MS4A13: variants seen among roughly 807,000 people sequenced by gnomAD.
The protein encoded by MS4A13 is membrane-spanning 4-domains subfamily A member 13.
A neutral mutation model predicts 18.4 loss-of-function variants in MS4A13; 21 were observed. The ratio of observed to expected loss-of-function variants is 1.14; its 90% CI spans 0.81 to 1.64. The LOEUF (loss-of-function observed/expected upper bound fraction) is 1.64. Among genes scored for constraint, MS4A13 ranks in the 40% most tolerant of loss-of-function variants. The probability of loss-of-function intolerance (pLI) is 0.00; values close to 1 mark genes in which losing one functional copy is unlikely to be tolerated. For missense variants in MS4A13, 173 were observed against 176.8 expected (o/e 0.98, Z 0.12); for synonymous variants, 62 against 57.2 (o/e 1.08, Z -0.38).
At chr11:60,522,000 G>T (rs12286993) in intron 3 of MS4A13, among the ~76,000 whole-genome samples, 24,964 of 151,982 alleles carry the variant, frequency 0.16, 2,304 homozygotes, top group East Asian at 0.27. Context: ...GAGAGGGCTT[G>T]TGCAGGGAAA....
chr11:60,521,986 AAG>A lies in MS4A13; in HGVS notation c.130-1904_130-1903del, dbSNP rs984470491. ...CATCTTACATGAATGGCAGCAGGCA[AAG>A]AGAGAGGGCTTGTGCAGGGAAACTC... On this transcript the variant is annotated intron_variant, in intron 3 of 6. Transcript: ENST00000378186. 5.2e-4 allele frequency among the ~76,000 whole-genome samples: 79 copies of A among 152,274 alleles called. 1 individual carries two copies. Among genetic ancestry groups the A allele is most frequent in the Middle Eastern group, 3.4e-3 (1 of 294 alleles).
chr11:60,526,502 A>T (rs1187659030), intron 5 of MS4A13, among the ~76,000 whole-genome samples: 1 of 152,168 alleles, frequency 6.6e-6, no homozygotes, highest in Non-Finnish European at 1.5e-5. Flanking sequence ...TATTTATCTG[A>T]TCTGAACTCA....
chr11:60,531,954 C>A (rs1243044523), intron 6 of MS4A13, among the ~76,000 whole-genome samples: 2 of 152,192 alleles, frequency 1.3e-5, no homozygotes, highest in Non-Finnish European at 1.5e-5. Context: ...TTGCTAACCA[C>A]CACTCCTGGG....
chr11:60,539,978 A>G (rs1020657551), intron 6 of MS4A13, among the ~76,000 whole-genome samples: 2 of 152,270 alleles, frequency 1.3e-5, no homozygotes, highest in Admixed American at 6.5e-5. Context: ...ACATCAGATG[A>G]AACTCAAATG....
intron 5 of MS4A13, 78 bp downstream of exon 5, chr11:60,525,404 A>G (rs1166871875): frequency 2.0e-6 from 2 of 999,188 alleles, no homozygotes; most frequent in African/African-American, 1.7e-5. Context: ...AGGAGGTAAG[A>G]TGAGGCTTTT....
chr11:60,527,581 A>G (rs2086728467), intron 5 of MS4A13, among the ~76,000 whole-genome samples: 1 of 152,114 alleles, frequency 6.6e-6, no homozygotes, highest in Non-Finnish European at 1.5e-5. Flanking sequence ...CACGCCTGTA[A>G]TCCCAGCACT....
chr11:60,517,946 C>A, intron 2 of MS4A13, 126 bp from the exon 3 acceptor site: 2 of 664,710 alleles, frequency 3.0e-6, no homozygotes, highest in East Asian at 3.1e-5. Flanking sequence ...GGAAATACAT[C>A]ATTAAGTGCA....
chr11:60,527,394 CTCTCTCTCTCTCTCTCTGTG>C (rs2086723692), intron 5 of MS4A13, among the ~76,000 whole-genome samples: 5 of 115,270 alleles, frequency 4.3e-5, no homozygotes, highest in African/African-American at 1.7e-4. Context: ...CTCTCTCTCT[CTCTCTCTCTCTCTCTCTGTG>C]TGTGTGTGTG....
At position 60,515,586 on chromosome 11, in the gene MS4A13, C is replaced by A. The variant is rs184054267; in HGVS notation, c.-150C>A. ...GAGCGCCCCCCGAAACTCCTTGGAA[C>A]CTTGAACAAGTAAAATGCAGGGTAG... On this transcript the variant is annotated 5_prime_UTR_variant, in exon 1 of 7. Transcript: ENST00000378186. The A allele has an allele frequency of 7.2e-5, 11 of 152,378 alleles. No homozygotes were observed. The East Asian group carries it at 1.9e-3, about 27-fold the overall frequency. 9.4% of individuals were successfully genotyped at this position (152,378 alleles called of 1,614,324 possible).
chr11:60,540,432 A>T (rs1207079567), intron 6 of MS4A13, among the ~76,000 whole-genome samples: 2 of 152,222 alleles, frequency 1.3e-5, no homozygotes, highest in Non-Finnish European at 2.9e-5. Flanking sequence ...TAATATATAT[A>T]GATAGAATAG....
At chr11:60,530,360 A>C (rs1337191845) in intron 6 of MS4A13, among the ~76,000 whole-genome samples, 1 of 152,218 alleles carries the variant, frequency 6.6e-6, no homozygotes, top group Non-Finnish European at 1.5e-5. Flanking sequence ...ATAAGGCAAG[A>C]TTATTTTATG....
At chr11:60,537,958 A>G (rs2086820512) in intron 6 of MS4A13, among the ~76,000 whole-genome samples, 1 of 132,282 alleles carries the variant, frequency 7.6e-6, no homozygotes, top group South Asian at 2.6e-4. Context: ...ATTCTCACTC[A>G]TAGGTGGGAA....
chr11:60,542,836 A>G, downstream of MS4A13: 1 of 269,834 alleles, frequency 3.7e-6, no homozygotes, highest in Non-Finnish European at 7.0e-6. Flanking sequence ...AACTCTCCAT[A>G]ATAAAGCTTT....
In MS4A13 at chr11:60,525,322, A is replaced by G. The variant is rs751731330; in HGVS notation, c.302A>G (p.Gln101Arg). ...FNSVSYRNYG[Q>R]AKLGREVSRI... is the part of the protein sequence containing the mutation. ...TCTGTGTCATACAGGAATTATGGACAAGCAGTAAGTGACCAATTCTATGGG... is the reference window on the plus strand; with the variant it reads ...TCTGTGTCATACAGGAATTATGGACGAGCAGTAAGTGACCAATTCTATGGG... Residue 101 changes from glutamine to arginine, a missense_variant, in exon 5 of 7, where the codon CAA (glutamine) becomes CGA (arginine). Gln to Arg is a conservative substitution (Grantham distance 43, BLOSUM62 1). Transcript: ENST00000378186. 17 of 1,577,056 alleles carry G rather than the reference A, an allele frequency of 1.1e-5. No individual in the cohort carries two copies. In the Admixed American group the frequency reaches 1.6e-4, roughly 15 times the overall value.
At chr11:60,519,010 G>C (rs1315149823) in intron 3 of MS4A13, among the ~76,000 whole-genome samples, 1 of 152,198 alleles carries the variant, frequency 6.6e-6, no homozygotes, top group East Asian at 1.9e-4. Flanking sequence ...ATCCTTTGTT[G>C]AGAGGACTGA....
chr11:60,539,019 C>T (rs1229438053), intron 6 of MS4A13, among the ~76,000 whole-genome samples: 1 of 134,958 alleles, frequency 7.4e-6, no homozygotes, highest in Non-Finnish European at 1.6e-5. Context: ...CTGAGTTCTG[C>T]AAACAACCTG....
chr11:60,516,076 G>A lies in MS4A13; in HGVS notation c.-21G>A, dbSNP rs1226931205. 6.6e-6 allele frequency: 1 copy of A among 152,126 alleles called. No homozygotes were observed. Among genetic ancestry groups the A allele is most frequent in the East Asian group, 1.9e-4 (1 of 5,198 alleles). 9.4% of individuals were successfully genotyped at this position (152,126 alleles called of 1,614,324 possible). A position where few individuals can be genotyped will look rare whatever the true frequency, so the allele number is the denominator to read the frequency against. ...ACAAATCTCTACAGCAGATTCTCTC[G>A]TTTTAGGGGTAAGATTTCACTTTGA... is the stretch of plus-strand genomic sequence containing the variant. On this transcript the variant is annotated 5_prime_UTR_variant, in exon 2 of 7. Transcript: ENST00000378186.
intron 6 of MS4A13, among the ~76,000 whole-genome samples, chr11:60,540,858 G>A: frequency 6.6e-6 from 1 of 151,822 alleles, no homozygotes; most frequent in Non-Finnish European, 1.5e-5. Context: ...GGCAGCTGAG[G>A]TGGGAGGATC....
chr11:60,532,648 C>T (rs1230805732), intron 6 of MS4A13, among the ~76,000 whole-genome samples: 1 of 151,658 alleles, frequency 6.6e-6, no homozygotes, highest in Admixed American at 6.6e-5. Flanking sequence ...AGCCTGGAAG[C>T]TCGAACTGGG....
Sources: allele counts gnomAD v4.1 joint callset (sites outside exome capture counted in the v4.1 genomes callset), GRCh38; gene constraint gnomAD v4.1.1; transcripts MANE v1.5; gene names NCBI Gene and HGNC (gene_info 2026-07-23, HGNC 2026-07-21).